Variants in FAM227B observed in about 807,000 individuals in gnomAD.
FAM227B encodes the protein protein FAM227B.
FAM227B carries 88 observed loss-of-function variants against 73.8 expected under a neutral mutation model. The observed-to-expected ratio is 1.19, with a 90% CI of 1.00 to 1.42. The LOEUF (loss-of-function observed/expected upper bound fraction) is 1.42, where lower values mean the gene tolerates loss of function less well. Ranked by LOEUF, FAM227B falls within the 40% of genes most tolerant of loss-of-function variation. FAM227B has a pLI of 0.00. For synonymous variants in FAM227B, 210 were observed against 190.5 expected, an observed-to-expected ratio of 1.10 and a Z score of -0.84; for missense variants, 632 against 590.9, an observed-to-expected ratio of 1.07 and a Z score of -0.72.
At chr15:49,487,733 C>T (rs1241049975) in intron 11 of FAM227B, 1 of 151,954 alleles carries the variant, frequency 6.6e-6, no homozygotes, top group Non-Finnish European at 1.5e-5. Flanking sequence ...GGGCCCACCA[C>T]AGACGGAACA....
intron 11 of FAM227B, among the ~76,000 whole-genome samples, chr15:49,429,235 T>C (rs560192983): frequency 1.3e-5 from 2 of 152,090 alleles, no homozygotes; most frequent in South Asian, 4.1e-4. Context: ...ATAGACAAGG[T>C]AGAATCTTGT....
chr15:49,574,878 A>G (rs1233556356), intron 8 of FAM227B, 133 bp downstream of exon 8: 2 of 502,922 alleles, frequency 4.0e-6, no homozygotes, highest in Non-Finnish European at 7.1e-6. Context: ...AGGATTTCTA[A>G]TGTGTGGAAT....
At chr15:49,338,799 A>G (rs1439153113) in intron 13 of FAM227B, among the ~76,000 whole-genome samples, 2 of 152,036 alleles carry the variant, frequency 1.3e-5, no homozygotes, top group Non-Finnish European at 2.9e-5. Flanking sequence ...ACATAGTCCC[A>G]TATTTGTTGG....
At position 49,542,456 on chromosome 15, in the gene FAM227B, T is replaced by C. The variant is rs566279997; in HGVS notation, c.748-650A>G. 8.9e-4 allele frequency among the ~76,000 whole-genome samples: 135 copies of C among 152,202 alleles called. 5 individuals carry two copies. The South Asian group carries it at 0.027, about 30-fold the overall frequency. On this transcript the variant is annotated intron_variant, in intron 9 of 15. Coordinates refer to ENST00000299338, the MANE Select transcript of FAM227B (RefSeq NM_152647.3). ...AGCAATGTGCACAGTACCCAATTTGTAGGCTTTTATCCCTCATCTCCCTCC... is the reference window on the plus strand; with the variant it reads ...AGCAATGTGCACAGTACCCAATTTGCAGGCTTTTATCCCTCATCTCCCTCC...
At chr15:49,353,296 A>C (rs1467615774) in intron 13 of FAM227B, among the ~76,000 whole-genome samples, 1 of 152,204 alleles carries the variant, frequency 6.6e-6, no homozygotes, top group Admixed American at 6.5e-5. Flanking sequence ...CTTCAGTGCA[A>C]TCAAGGGTTT....
intron 3 of FAM227B, among the ~76,000 whole-genome samples, chr15:49,610,795 T>C (rs1223406380): frequency 3.3e-5 from 5 of 152,116 alleles, no homozygotes; most frequent in African/African-American, 1.2e-4. Context: ...ACTTTTAACA[T>C]GAAAACACAT....
intron 11 of FAM227B, among the ~76,000 whole-genome samples, chr15:49,494,722 C>T (rs1382727046): frequency 3.3e-5 from 5 of 152,078 alleles, no homozygotes; most frequent in Non-Finnish European, 5.9e-5. Context: ...CCATAAGTTC[C>T]ATAAGGAAAA....
chr15:49,445,337 G>T (rs115676170), intron 11 of FAM227B, among the ~76,000 whole-genome samples: 3,509 of 151,648 alleles, frequency 0.023, 85 homozygotes, highest in South Asian at 0.13. Flanking sequence ...AGTATTCAAT[G>T]TTTAGCTCTT....
chr15:49,434,864 TAAA>T (rs1036091755), intron 11 of FAM227B, among the ~76,000 whole-genome samples: 2 of 151,270 alleles, frequency 1.3e-5, no homozygotes, highest in Admixed American at 6.6e-5. Context: ...AATTAATTAA[TAAA>T]AAAGAGAACC....
At chr15:49,463,475 C>T (rs1456834177) in intron 11 of FAM227B, among the ~76,000 whole-genome samples, 1 of 148,742 alleles carries the variant, frequency 6.7e-6, no homozygotes, top group East Asian at 2.0e-4. Flanking sequence ...CACTGGAACC[C>T]GGAAGGCAGA....
At chr15:49,553,071 A>T (rs1193314288) in intron 9 of FAM227B, among the ~76,000 whole-genome samples, 1 of 152,134 alleles carries the variant, frequency 6.6e-6, no homozygotes, top group Non-Finnish European at 1.5e-5. Flanking sequence ...TTATTGTAAT[A>T]TTCACTGTCT....
chr15:49,490,909 A>T (rs1267947270), intron 11 of FAM227B, among the ~76,000 whole-genome samples: 1 of 151,948 alleles, frequency 6.6e-6, no homozygotes, highest in East Asian at 1.9e-4. Context: ...TATTTTATGA[A>T]GATAAATATG....
chr15:49,583,819 T>C (rs1353667036), intron 5 of FAM227B, among the ~76,000 whole-genome samples: 2 of 152,030 alleles, frequency 1.3e-5, no homozygotes, highest in African/African-American at 2.4e-5. Flanking sequence ...CAAAAAGAAA[T>C]TGAATCCCTG....
chr15:49,549,368 G>A (rs1045054286), intron 9 of FAM227B, among the ~76,000 whole-genome samples: 6 of 138,028 alleles, frequency 4.3e-5, no homozygotes, highest in Admixed American at 7.0e-5. Context: ...GGTGTTTCTC[G>A]CAGAGGGGGA....
intron 11 of FAM227B, among the ~76,000 whole-genome samples, chr15:49,470,853 T>C (rs1467223321): frequency 6.6e-6 from 1 of 152,204 alleles, no homozygotes; most frequent in Non-Finnish European, 1.5e-5. Flanking sequence ...GGGTGTCATC[T>C]AGAAAGAATG....
chr15:49,479,597 C>CTTTTTTTTTTTT (rs1567359064), intron 11 of FAM227B, among the ~76,000 whole-genome samples: 1 of 102,076 alleles, frequency 9.8e-6, no homozygotes, highest in Admixed American at 1.1e-4. Context: ...GTTAATACCT[C>CTTTTTTTTTTTT]TGTTTTTTTT....
intron 11 of FAM227B, among the ~76,000 whole-genome samples, chr15:49,395,028 G>T (rs545321773): frequency 5.9e-5 from 9 of 152,172 alleles, no homozygotes; most frequent in African/African-American, 1.9e-4. Context: ...ATATTATATT[G>T]TTGTTACGGA....
intron 13 of FAM227B, among the ~76,000 whole-genome samples, chr15:49,362,139 G>C (rs189198509): frequency 1.3e-5 from 2 of 152,066 alleles, no homozygotes; most frequent in Admixed American, 1.3e-4. Flanking sequence ...ACATAGTTTG[G>C]CTCTGTGTCC....
intron 13 of FAM227B, chr15:49,344,016 AT>A (rs1478246720): frequency 6.6e-6 from 1 of 152,222 alleles, no homozygotes; most frequent in Non-Finnish European, 1.5e-5. Flanking sequence ...ATTTTTTATC[AT>A]TTAATAAACA....
Sources: allele counts gnomAD v4.1 joint callset (sites outside exome capture counted in the v4.1 genomes callset), GRCh38; gene constraint gnomAD v4.1.1; transcripts MANE v1.5; gene names NCBI Gene and HGNC (gene_info 2026-07-23, HGNC 2026-07-21).